PTPRT: variants seen among roughly 807,000 people sequenced by gnomAD.
The protein encoded by PTPRT is receptor-type tyrosine-protein phosphatase T.
In PTPRT, 56 loss-of-function variants were observed where a neutral mutation model predicts 176.8. The ratio of observed to expected loss-of-function variants is 0.32; its 90% CI spans 0.26 to 0.40. The LOEUF (loss-of-function observed/expected upper bound fraction) is 0.40. Ranked by LOEUF, PTPRT falls within the 10% of genes least tolerant of loss-of-function variation. PTPRT has a pLI of 1.00. For missense variants in PTPRT, 1,540 were observed against 1,908.2 expected (o/e 0.81, Z 3.60); for synonymous variants, 783 against 739.0 (o/e 1.06, Z -0.96).
At chr20:43,010,019 T>A (rs1840768083) in intron 1 of PTPRT, among the ~76,000 whole-genome samples, 2 of 152,080 alleles carry the variant, frequency 1.3e-5, no homozygotes, top group Admixed American at 1.3e-4. Flanking sequence ...TTCTTAGTCT[T>A]CCAGTCACCC....
Position 42,779,673 on chromosome 20 carries a change from C to T in PTPRT, c.568+545G>A, listed in dbSNP as rs537921466. 1.3e-4 allele frequency among the ~76,000 whole-genome samples: 20 copies of T among 152,320 alleles called. 1 individual carries two copies. In the South Asian group the frequency reaches 3.5e-3, roughly 27 times the overall value. On this transcript the variant is annotated intron_variant, in intron 4 of 30. Coordinates refer to ENST00000373187, the MANE Select transcript of PTPRT (RefSeq NM_007050.6). ...AGTAGATGGGTATGGAGGAGTGCCA[C>T]GCCTTTGAGGACTCTTGACGCTGTA...
At chr20:42,133,242 A>G (rs907762587) in intron 18 of PTPRT, among the ~76,000 whole-genome samples, 1 of 152,206 alleles carries the variant, frequency 6.6e-6, no homozygotes, top group Non-Finnish European at 1.5e-5. Context: ...GGTTAGGTAT[A>G]TTAAATGCAT....
chr20:43,013,228 C>A (rs1168206151), intron 1 of PTPRT, among the ~76,000 whole-genome samples: 2 of 152,030 alleles, frequency 1.3e-5, no homozygotes, highest in East Asian at 3.9e-4. Flanking sequence ...TCTGAACATG[C>A]CTGGTCTACA....
intron 6 of PTPRT, among the ~76,000 whole-genome samples, chr20:42,734,633 C>T (rs755464722): frequency 6.6e-6 from 1 of 152,206 alleles, no homozygotes; most frequent in Admixed American, 6.5e-5. Context: ...CTCTTTAAAG[C>T]ACTGTATTAC....
At chr20:42,541,014 G>A (rs1228235663) in intron 7 of PTPRT, among the ~76,000 whole-genome samples, 2 of 152,212 alleles carry the variant, frequency 1.3e-5, no homozygotes, top group Admixed American at 1.3e-4. Context: ...ATTATAACCA[G>A]GTGAAAAGTG....
intron 1 of PTPRT, among the ~76,000 whole-genome samples, chr20:43,149,636 C>G (rs2014279694): frequency 6.6e-6 from 1 of 152,220 alleles, no homozygotes; most frequent in South Asian, 2.1e-4. Context: ...TACCACCTCA[C>G]TCATTGTACA....
intron 1 of PTPRT, among the ~76,000 whole-genome samples, chr20:43,094,031 C>G (rs1214335120): frequency 6.6e-6 from 1 of 152,070 alleles, no homozygotes; most frequent in Non-Finnish European, 1.5e-5. Context: ...TATCCTGTTC[C>G]TTTCTTTCAG....
chr20:42,920,801 T>C (rs1319322316), intron 1 of PTPRT, among the ~76,000 whole-genome samples: 3 of 152,224 alleles, frequency 2.0e-5, no homozygotes, highest in Non-Finnish European at 4.4e-5. Context: ...GGGGCTCTAA[T>C]CAGTGCAGAG....
chr20:43,061,610 G>C (rs1394681885), intron 1 of PTPRT, among the ~76,000 whole-genome samples: 1 of 152,212 alleles, frequency 6.6e-6, no homozygotes, highest in African/African-American at 2.4e-5. Flanking sequence ...TTGGTGCATA[G>C]TAATTGCCAA....
chr20:42,268,082 T>C (rs1375563111), intron 13 of PTPRT, among the ~76,000 whole-genome samples: 1 of 152,122 alleles, frequency 6.6e-6, no homozygotes. Flanking sequence ...GGTGCTGATA[T>C]GAAAAGAGGC....
chr20:43,149,675 G>A (rs181669699), intron 1 of PTPRT, among the ~76,000 whole-genome samples: 5 of 152,322 alleles, frequency 3.3e-5, no homozygotes, highest in Non-Finnish European at 4.4e-5. Flanking sequence ...GGTAACATGT[G>A]TGAAAGGCCC....
chr20:42,212,807 A>C (rs1420426031), intron 15 of PTPRT, among the ~76,000 whole-genome samples: 1 of 152,230 alleles, frequency 6.6e-6, no homozygotes, highest in Non-Finnish European at 1.5e-5. Flanking sequence ...AATCCATGTT[A>C]GTTTAAATAA....
rs569262735 is a variant in PTPRT at position 42,877,398 on chromosome 20, G to A, written c.214+8409C>T. Among the ~76,000 whole-genome samples the A allele has an allele frequency of 5.3e-5, 8 of 152,208 alleles. No individual in the cohort carries two copies. In the East Asian group the frequency reaches 1.2e-3, roughly 22 times the overall value. On this transcript the variant is annotated intron_variant, in intron 2 of 30. Transcript: ENST00000373187. ...GCAGCTGGCATCTTCACCTCTCAGC[G>A]AGCTACACAATCCACTGAGACTCAA...
intron 12 of PTPRT, among the ~76,000 whole-genome samples, chr20:42,289,457 T>C (rs1310084409): frequency 6.6e-6 from 1 of 151,690 alleles, no homozygotes; most frequent in Non-Finnish European, 1.5e-5. Context: ...ATAGCCCCAT[T>C]AAAAAGTGGG....
At chr20:43,090,297 T>C (rs531137504) in intron 1 of PTPRT, among the ~76,000 whole-genome samples, 36 of 151,392 alleles carry the variant, frequency 2.4e-4, no homozygotes, top group Non-Finnish European at 4.0e-4. Context: ...AGATGGAGTC[T>C]TGTTCTGTCG....
At chr20:42,824,034 C>A (rs950433949) in intron 2 of PTPRT, among the ~76,000 whole-genome samples, 2 of 151,882 alleles carry the variant, frequency 1.3e-5, no homozygotes, top group African/African-American at 4.8e-5. Flanking sequence ...CCCATGGTAG[C>A]AAATAACTAG....
Position 42,698,797 on chromosome 20 carries a change from T to G in PTPRT, c.860-20638A>C, listed in dbSNP as rs184729356. On this transcript the variant is annotated intron_variant, in intron 6 of 30. Coordinates refer to ENST00000373187, the MANE Select transcript of PTPRT (RefSeq NM_007050.6). Reference sequence around the variant, plus strand: ...CCGCCCGGGTCTTTGGGTGGTCATGTCTTATGCATCTCTGTGTGTCTAACT... The same window carrying G: ...CCGCCCGGGTCTTTGGGTGGTCATGGCTTATGCATCTCTGTGTGTCTAACT... Among the ~76,000 whole-genome samples the G allele has an allele frequency of 1.8e-4, 27 of 152,258 alleles. No homozygotes were observed. The East Asian group carries it at 4.8e-3, about 27-fold the overall frequency.
At chr20:43,095,640 G>A (rs1311889818) in intron 1 of PTPRT, among the ~76,000 whole-genome samples, 2 of 135,428 alleles carry the variant, frequency 1.5e-5, no homozygotes, top group South Asian at 2.4e-4. Context: ...CTCTCTCCCT[G>A]ACTCTCTCCC....
rs138974918 is a variant in PTPRT, at chr20:42,410,664, T to C, written c.1560+37556A>G. ...CTGGCAAATTCACCGAGATAGACCA[T>C]ATACCATACTATGAAACAAATCCTA... On this transcript the variant is annotated intron_variant, in intron 9 of 30. Transcript: ENST00000373187. Among the ~76,000 whole-genome samples, 299 of 152,212 alleles carry C rather than the reference T, an allele frequency of 2.0e-3. 1 individual carries two copies. The highest frequency in any genetic ancestry group is 3.4e-3 in the Non-Finnish European group (232 of 68,018).
Sources: allele counts gnomAD v4.1 joint callset (sites outside exome capture counted in the v4.1 genomes callset), GRCh38; gene constraint gnomAD v4.1.1; transcripts MANE v1.5; gene names NCBI Gene and HGNC (gene_info 2026-07-23, HGNC 2026-07-21).